The following DLG2 variants were observed in gnomAD, a reference collection of about 807,000 sequenced individuals.
DLG2 encodes disks large homolog 2.
A neutral mutation model predicts 132.5 loss-of-function variants in DLG2; 45 were observed. The ratio of observed to expected loss-of-function variants is 0.34; its 90% CI spans 0.27 to 0.44. The LOEUF is 0.44. Ranked by LOEUF, DLG2 falls within the 20% of genes least tolerant of loss-of-function variation. The probability of loss-of-function intolerance (pLI) is 1.00; values close to 1 mark genes in which losing one functional copy is unlikely to be tolerated. For missense variants in DLG2, 1,045 were observed against 1,196.9 expected, an observed-to-expected ratio of 0.87 and a Z score of 1.87; for synonymous variants, 424 against 419.6, an observed-to-expected ratio of 1.01 and a Z score of -0.13.
chr11:83,652,908 G>A (rs2071049635), intron 18 of DLG2, among the ~76,000 whole-genome samples: 1 of 152,128 alleles, frequency 6.6e-6, no homozygotes, highest in South Asian at 2.1e-4. Context: ...ACACCTTCTA[G>A]GTTTTATATA....
chr11:84,876,038 T>C (rs2086294831), intron 6 of DLG2, among the ~76,000 whole-genome samples: 1 of 152,198 alleles, frequency 6.6e-6, no homozygotes, highest in African/African-American at 2.4e-5. Flanking sequence ...ATGCCTGGCC[T>C]TTCTTCCCCT....
chr11:85,061,848 T>C (rs2064177398), intron 6 of DLG2, among the ~76,000 whole-genome samples: 1 of 151,908 alleles, frequency 6.6e-6, no homozygotes, highest in South Asian at 2.1e-4. Flanking sequence ...CCAACAGTCT[T>C]GCTCTCTGAG....
At chr11:84,473,348 CTGA>C (rs769917069) in intron 7 of DLG2, among the ~76,000 whole-genome samples, 4 of 151,944 alleles carry the variant, frequency 2.6e-5, no homozygotes, top group Non-Finnish European at 5.9e-5. Context: ...TTTTTACCTC[CTGA>C]TACAAAAAGA....
At chr11:83,957,066 T>A (rs935949024) in intron 14 of DLG2, among the ~76,000 whole-genome samples, 6 of 152,224 alleles carry the variant, frequency 3.9e-5, no homozygotes, top group African/African-American at 1.4e-4. Flanking sequence ...AAGCAAACAA[T>A]ATTCTGCAAG....
At chr11:84,587,844 T>C (rs1166701064) in intron 6 of DLG2, among the ~76,000 whole-genome samples, 2 of 152,194 alleles carry the variant, frequency 1.3e-5, no homozygotes, top group African/African-American at 4.8e-5. Context: ...AAATAATCAA[T>C]TGCATTTTTG....
intron 11 of DLG2, among the ~76,000 whole-genome samples, chr11:84,020,657 G>C (rs547509692): frequency 6.6e-6 from 1 of 152,312 alleles, no homozygotes; most frequent in South Asian, 2.1e-4. Flanking sequence ...CAAGTGTACT[G>C]CTTGGTTATT....
intron 9 of DLG2, among the ~76,000 whole-genome samples, chr11:84,136,172 C>T (rs560763816): frequency 1.3e-5 from 2 of 152,194 alleles, no homozygotes; most frequent in African/African-American, 4.8e-5. Context: ...TATTGAGTAA[C>T]TTACTTAACT....
At chr11:85,391,326 G>A (rs2086779396) in intron 3 of DLG2, among the ~76,000 whole-genome samples, 1 of 152,012 alleles carries the variant, frequency 6.6e-6, no homozygotes, top group African/African-American at 2.4e-5. Context: ...AAATAGTCCA[G>A]GACCAGATGG....
At chr11:84,034,722 C>T (rs756289145) in intron 11 of DLG2, among the ~76,000 whole-genome samples, 3 of 152,032 alleles carry the variant, frequency 2.0e-5, no homozygotes, top group South Asian at 4.2e-4. Context: ...AGCAAGTAGC[C>T]AGAGTGCAGC....
intron 7 of DLG2, among the ~76,000 whole-genome samples, chr11:84,296,235 A>G (rs548576759): frequency 6.6e-6 from 1 of 152,152 alleles, no homozygotes; most frequent in Admixed American, 6.5e-5. Flanking sequence ...TTTAATTAAA[A>G]TAATCAATAT....
intron 4 of DLG2, among the ~76,000 whole-genome samples, chr11:85,263,418 T>A (rs140058275): frequency 6.6e-6 from 1 of 152,160 alleles, no homozygotes; most frequent in South Asian, 2.1e-4. Context: ...TTTGCCCTGG[T>A]TGAGCTGCCA....
At chr11:83,867,093 A>T (rs2062537567) in intron 16 of DLG2, among the ~76,000 whole-genome samples, 1 of 152,194 alleles carries the variant, frequency 6.6e-6, no homozygotes, top group African/African-American at 2.4e-5. Context: ...AAAACTCCAA[A>T]ACCTCAGAAA....
rs780393696 is a variant in DLG2, at chr11:85,575,909, T to G, written c.40+22748A>C. 7.2e-5 allele frequency among the ~76,000 whole-genome samples: 11 copies of G among 152,170 alleles called. No homozygotes were observed. In the South Asian group the frequency reaches 2.3e-3, roughly 31 times the overall value. On this transcript the variant is annotated intron_variant, in intron 3 of 27. Coordinates refer to ENST00000376104, the MANE Select transcript of DLG2 (RefSeq NM_001142699.3). ...CTGACTTTAACATCTAGAACAGCAT[T>G]TGGCACACTATAGGTGCTCCATAAA...
chr11:85,368,830 T>G (rs11821747), intron 3 of DLG2, among the ~76,000 whole-genome samples: 1 of 152,188 alleles, frequency 6.6e-6, no homozygotes, highest in Non-Finnish European at 1.5e-5. Flanking sequence ...CCCACTGCGG[T>G]GGAACCGCAG....
At chr11:85,058,083 A>G (rs1246095153) in intron 6 of DLG2, among the ~76,000 whole-genome samples, 1 of 151,416 alleles carries the variant, frequency 6.6e-6, no homozygotes, top group African/African-American at 2.4e-5. Flanking sequence ...AGAAAAGAAA[A>G]AAATTAGAAG....
chr11:85,388,834 A>C (rs2086565167), intron 3 of DLG2, among the ~76,000 whole-genome samples: 1 of 152,114 alleles, frequency 6.6e-6, no homozygotes, highest in African/African-American at 2.4e-5. Context: ...GCCATGGGAC[A>C]AAAAAATCGG....
chr11:85,627,761 G>C (rs1279100897), upstream of DLG2: 1 of 152,248 alleles, frequency 6.6e-6, no homozygotes, highest in African/African-American at 2.4e-5. Flanking sequence ...CGTTCTTTTA[G>C]GGAAGAGCAC....
intron 18 of DLG2, among the ~76,000 whole-genome samples, chr11:83,648,858 T>C (rs2069108001): frequency 6.6e-6 from 1 of 152,184 alleles, no homozygotes; most frequent in South Asian, 2.1e-4. Flanking sequence ...ACAGGAGCTC[T>C]CTGTACATTT....
intron 17 of DLG2, chr11:83,790,426 C>T (rs1226640962): frequency 1.9e-6 from 2 of 1,067,488 alleles, no homozygotes; most frequent in African/African-American, 3.1e-5. Context: ...GTCCCCAGTA[C>T]CATCCTTGTT....
Sources: allele counts gnomAD v4.1 joint callset (sites outside exome capture counted in the v4.1 genomes callset), GRCh38; gene constraint gnomAD v4.1.1; transcripts MANE v1.5; gene names NCBI Gene and HGNC (gene_info 2026-07-23, HGNC 2026-07-21).